The following PTPRD variants were observed in gnomAD, a reference collection of about 807,000 sequenced individuals.
PTPRD encodes the protein receptor-type tyrosine-protein phosphatase delta.
A neutral mutation model predicts 214.5 loss-of-function variants in PTPRD; 34 were observed. The ratio of observed to expected loss-of-function variants is 0.16; its 90% CI spans 0.12 to 0.21. The LOEUF is 0.21. PTPRD is among the 10% of genes least tolerant of loss of function. PTPRD has a pLI of 1.00. For missense variants in PTPRD, 2,545 were observed against 2,398.7 expected (o/e 1.06, Z -1.27); for synonymous variants, 1,128 against 845.7 (o/e 1.33, Z -5.79).
At chr9:9,869,411 G>C (rs1220765381) in intron 5 of PTPRD, among the ~76,000 whole-genome samples, 2 of 152,010 alleles carry the variant, frequency 1.3e-5, no homozygotes, top group African/African-American at 2.4e-5. Flanking sequence ...ATTAAGAATG[G>C]ATTAGGTTGA....
intron 2 of PTPRD, among the ~76,000 whole-genome samples, chr9:10,480,574 G>C (rs906721480): frequency 2.0e-5 from 3 of 151,694 alleles, no homozygotes; most frequent in Non-Finnish European, 4.4e-5. Context: ...GCATGCAAAA[G>C]ACAATGAAAA....
At chr9:8,563,863 C>A (rs978350633) in intron 14 of PTPRD, among the ~76,000 whole-genome samples, 1 of 152,180 alleles carries the variant, frequency 6.6e-6, no homozygotes, top group Non-Finnish European at 1.5e-5. Flanking sequence ...CCAGGTTTCA[C>A]CATGTCAGAC....
chr9:10,108,269 C>T (rs182206834), intron 3 of PTPRD, among the ~76,000 whole-genome samples: 1 of 152,188 alleles, frequency 6.6e-6, no homozygotes, highest in East Asian at 1.9e-4. Flanking sequence ...CTGGCTAAAT[C>T]AAGCCAATTA....
intron 22 of PTPRD, among the ~76,000 whole-genome samples, chr9:8,504,967 C>T (rs919607435): frequency 7.8e-4 from 119 of 152,232 alleles, no homozygotes; most frequent in Non-Finnish European, 1.6e-3. Context: ...TAAAATATCA[C>T]GTTAGTCACT....
intron 11 of PTPRD, among the ~76,000 whole-genome samples, chr9:8,982,158 T>A (rs1448142940): frequency 1.3e-5 from 2 of 152,010 alleles, no homozygotes; most frequent in Non-Finnish European, 2.9e-5. Flanking sequence ...AGGAAAATAT[T>A]ACTACACAAT....
intron 2 of PTPRD, among the ~76,000 whole-genome samples, chr9:10,376,056 C>T (rs928088792): frequency 2.6e-5 from 4 of 151,886 alleles, no homozygotes; most frequent in African/African-American, 9.7e-5. Flanking sequence ...ACTGACTTGC[C>T]TATTCTGTGT....
chr9:9,108,243 T>C (rs2099801364), intron 10 of PTPRD, among the ~76,000 whole-genome samples: 1 of 152,152 alleles, frequency 6.6e-6, no homozygotes, highest in Admixed American at 6.6e-5. Context: ...CTTGAATTTT[T>C]CTCCCTACCT....
At chr9:9,547,125 CA>C (rs762809098) in intron 8 of PTPRD, among the ~76,000 whole-genome samples, 6 of 151,958 alleles carry the variant, frequency 3.9e-5, no homozygotes, top group Non-Finnish European at 8.8e-5. Context: ...AATGCCATAC[CA>C]AACTTACACA....
chr9:8,427,700 T>C (rs758283940), intron 35 of PTPRD, among the ~76,000 whole-genome samples: 6 of 152,166 alleles, frequency 3.9e-5, no homozygotes, highest in Non-Finnish European at 8.8e-5. Flanking sequence ...ATTATTTTTT[T>C]TTACTGACAT....
At chr9:8,695,307 T>C (rs1270749033) in intron 12 of PTPRD, among the ~76,000 whole-genome samples, 1 of 152,208 alleles carries the variant, frequency 6.6e-6, no homozygotes, top group Non-Finnish European at 1.5e-5. Flanking sequence ...CATGGCCATG[T>C]TTAAGTGCAT....
rs779581055 is a variant in PTPRD at position 9,673,153 on chromosome 9, C to T, written c.-287+61380G>A. Among the ~76,000 whole-genome samples, 7 of 152,046 alleles carry T rather than the reference C, an allele frequency of 4.6e-5. No individual in the cohort carries two copies. The South Asian group carries it at 1.0e-3, about 22-fold the overall frequency. On this transcript the variant is annotated intron_variant, in intron 7 of 45. Transcript: ENST00000381196. ...TTGTGCAATATTACCCTTTTTATCA[C>T]ACATTTTCAAAATCCTGTTAATAAT...
At chr9:9,019,233 T>A (rs577786456) in intron 10 of PTPRD, among the ~76,000 whole-genome samples, 77 of 138,718 alleles carry the variant, frequency 5.6e-4, no homozygotes, top group African/African-American at 1.1e-3. Context: ...AAAGACAGAA[T>A]CTACCAGACT....
chr9:9,573,356 T>A (rs563558347), intron 8 of PTPRD, among the ~76,000 whole-genome samples: 1 of 151,476 alleles, frequency 6.6e-6, no homozygotes, highest in Non-Finnish European at 1.5e-5. Flanking sequence ...GCTTATGCTC[T>A]ATAGGTTTAG....
chr9:10,007,149 T>A (rs114784946), intron 4 of PTPRD, among the ~76,000 whole-genome samples: 198 of 152,110 alleles, frequency 1.3e-3, no homozygotes, highest in African/African-American at 4.6e-3. Flanking sequence ...TAAGTCAGAA[T>A]TGATATGGTC....
chr9:10,385,788 A>G (rs2097903459), intron 2 of PTPRD, among the ~76,000 whole-genome samples: 1 of 151,888 alleles, frequency 6.6e-6, no homozygotes, highest in South Asian at 2.1e-4. Flanking sequence ...AGAAATGAAC[A>G]TTATGAGATT....
At chr9:8,528,240 T>C (rs1389311709) in intron 15 of PTPRD, 4 of 427,450 alleles carry the variant, frequency 9.4e-6, no homozygotes, top group Non-Finnish European at 1.6e-5. Flanking sequence ...AATGTTGAAA[T>C]AAATTTGTTT....
intron 17 of PTPRD, 121 bp downstream of exon 17, chr9:8,526,506 A>G (rs894891640): frequency 7.9e-5 from 39 of 490,980 alleles, no homozygotes; most frequent in Non-Finnish European, 1.2e-4. Context: ...CAGTACAAAG[A>G]AAAAAAAAAA....
Position 8,832,104 on chromosome 9 carries a change from ATGTGTGTG to A in PTPRD, c.-103-98166_-103-98159del, listed in dbSNP as rs34699954. Among the ~76,000 whole-genome samples the A allele has an allele frequency of 1.0e-2, 1,487 of 148,860 alleles. 11 individuals are homozygous for A. The highest frequency in any genetic ancestry group is 0.016 in the Non-Finnish European group (1,042 of 66,960). On this transcript the variant is annotated intron_variant, in intron 11 of 45. Transcript: ENST00000381196. ...CGGTGATTTAAATATGTATGTGTAT[ATGTGTGTG>A]TGTGTGTGTGTGTGTGTGTGTGTAT...
chr9:10,357,158 A>C (rs1388327501), intron 2 of PTPRD, among the ~76,000 whole-genome samples: 1 of 152,102 alleles, frequency 6.6e-6, no homozygotes, highest in Non-Finnish European at 1.5e-5. Flanking sequence ...CAGAAACATA[A>C]ATCCTCATCT....
Sources: gnomAD v4.1 joint callset for allele counts (sites outside exome capture counted in the v4.1 genomes callset) on GRCh38, gnomAD v4.1.1 for gene constraint, MANE v1.5 for transcripts, NCBI Gene and HGNC (gene_info 2026-07-23, HGNC 2026-07-21) for gene names.